PSEN1: variants seen among roughly 807,000 people sequenced by gnomAD.
PSEN1 encodes the protein presenilin 1.
A neutral mutation model predicts 53.5 loss-of-function variants in PSEN1; 15 were observed. That is an observed-to-expected ratio of 0.28 (90% CI 0.19 to 0.43). The LOEUF (loss-of-function observed/expected upper bound fraction) is 0.43. PSEN1 is among the 20% of genes least tolerant of loss of function. The pLI is 1.00. For synonymous variants in PSEN1, 208 were observed against 209.8 expected (o/e 0.99, Z 0.08); for missense variants, 387 against 571.2 (o/e 0.68, Z 3.29).
chr14:73,161,249 G>A (rs1897527235), intron 3 of PSEN1, among the ~76,000 whole-genome samples: 1 of 152,088 alleles, frequency 6.6e-6, no homozygotes, highest in Non-Finnish European at 1.5e-5. Context: ...TGCTGGGGTT[G>A]TAGATGTGAG....
intron 5 of PSEN1, among the ~76,000 whole-genome samples, chr14:73,184,364 G>A (rs1340963596): frequency 1.1e-3 from 71 of 63,148 alleles, no homozygotes; most frequent in African/African-American, 2.6e-3. Flanking sequence ...CTCACCTCCC[G>A]GACGGGGCGG....
chr14:73,186,783 GA>G (rs575947856), intron 5 of PSEN1, 69 bp from the exon 6 acceptor site: 1,283 of 1,299,500 alleles, frequency 9.9e-4, no homozygotes, highest in Non-Finnish European at 1.2e-3. Flanking sequence ...TCTCAAAAAA[GA>G]AAAAAAAAAT....
intron 8 of PSEN1, among the ~76,000 whole-genome samples, chr14:73,203,481 T>C (rs1899316644): frequency 1.3e-5 from 2 of 152,210 alleles, no homozygotes; most frequent in Admixed American, 6.5e-5. Context: ...GCAATGCCGA[T>C]GAGTACTTTT....
In PSEN1 at chr14:73,173,170, A is replaced by G. The variant is rs3025781; in HGVS notation, c.339-396A>G. ...TCTGCAGATGAGAGGCACTAATTAT[A>G]AGCCATATTACCTTTCTTCTGACAA... On this transcript the variant is annotated intron_variant, in intron 4 of 11. Coordinates refer to ENST00000324501, the MANE Select transcript of PSEN1 (RefSeq NM_000021.4). 1.1e-3 allele frequency among the ~76,000 whole-genome samples: 168 copies of G among 152,322 alleles called. 1 individual carries two copies. The highest frequency in any genetic ancestry group is 3.3e-3 in the African/African-American group (139 of 41,588).
intron 3 of PSEN1, among the ~76,000 whole-genome samples, chr14:73,159,487 C>A (rs935379776): frequency 5.9e-5 from 9 of 152,096 alleles, no homozygotes; most frequent in African/African-American, 1.4e-4. Flanking sequence ...GTCTGTGATC[C>A]TTTTGAAGTT....
intron 10 of PSEN1, among the ~76,000 whole-genome samples, chr14:73,215,990 A>G (rs1359121630): frequency 6.6e-6 from 1 of 152,244 alleles, no homozygotes; most frequent in Admixed American, 6.5e-5. Flanking sequence ...CCACAGAGAC[A>G]TGGACATAAA....
At position 73,193,536 on chromosome 14, in the gene PSEN1, C is replaced by T. The variant is rs560208504; in HGVS notation, c.769+672C>T. ...CTGCACTCTAGCCTGGGTGACAGAG[C>T]GAGACTCTGTCTCAAAAAAAAAAAA... is the stretch of plus-strand genomic sequence containing the variant. On this transcript the variant is annotated intron_variant, in intron 7 of 11. Transcript: ENST00000324501. Among the ~76,000 whole-genome samples the T allele has an allele frequency of 1.2e-4, 14 of 113,394 alleles. No homozygotes were observed. The East Asian group carries it at 2.5e-3, about 20-fold the overall frequency. 74.4% of individuals were successfully genotyped at this position (113,394 alleles called of 152,430 possible). A position where few individuals can be genotyped will look rare whatever the true frequency, so the allele number is the denominator to read the frequency against.
At chr14:73,201,013 T>G (rs1226260593) in intron 8 of PSEN1, among the ~76,000 whole-genome samples, 3 of 152,168 alleles carry the variant, frequency 2.0e-5, no homozygotes, top group African/African-American at 4.8e-5. Context: ...ATCGTGCCAC[T>G]GCACTCCAGC....
chr14:73,188,640 A>C lies in PSEN1; in HGVS notation c.548+1720A>C, dbSNP rs548544310. 2.0e-5 allele frequency among the ~76,000 whole-genome samples: 3 copies of C among 152,296 alleles called. No homozygotes were observed. The South Asian group carries it at 6.2e-4, about 32-fold the overall frequency. On this transcript the variant is annotated intron_variant, in intron 6 of 11. Coordinates refer to ENST00000324501, the MANE Select transcript of PSEN1 (RefSeq NM_000021.4). ...CCAGGCTGGGTGACTCAGTCTCTAA[A>C]AATAAATAAATAACTAAATCTCTAA...
Position 73,163,850 on chromosome 14 carries a change from G to C in PSEN1, c.88-6947G>C, listed in dbSNP as rs214272. Among the ~76,000 whole-genome samples the C allele has an allele frequency of 8.3e-3, 1,260 of 152,144 alleles. 21 individuals carry two copies. The highest frequency in any genetic ancestry group is 0.029 in the African/African-American group (1,210 of 41,482). ...ATTTTAGACTTCATGAGCCTAAGAA[G>C]TTTTGATTTTGTTATGAGCATGACA... On this transcript the variant is annotated intron_variant, in intron 3 of 11. Coordinates refer to ENST00000324501, the MANE Select transcript of PSEN1 (RefSeq NM_000021.4).
At chr14:73,200,123 G>A (rs1402532999) in intron 8 of PSEN1, among the ~76,000 whole-genome samples, 1 of 151,876 alleles carries the variant, frequency 6.6e-6, no homozygotes, top group Non-Finnish European at 1.5e-5. Flanking sequence ...GATCTAATAG[G>A]CAAAAAAATA....
At chr14:73,187,131 GAACTT>G (rs1302068553) in intron 6 of PSEN1, among the ~76,000 whole-genome samples, 6 of 152,320 alleles carry the variant, frequency 3.9e-5, no homozygotes, top group African/African-American at 1.2e-4. Context: ...AGAACTGAAA[GAACTT>G]AAGACTACAG....
Position 73,185,072 on chromosome 14 carries a change from A to G in PSEN1, c.481-1781A>G, listed in dbSNP as rs1270446431. ...TGGCAGCCGGGCAGAGGTGCTCCTCACTTCCTAGGTGGGATGGCGGCCGGG... is the reference window on the plus strand; with the variant it reads ...TGGCAGCCGGGCAGAGGTGCTCCTCGCTTCCTAGGTGGGATGGCGGCCGGG... On this transcript the variant is annotated intron_variant, in intron 5 of 11. Coordinates refer to ENST00000324501, the MANE Select transcript of PSEN1 (RefSeq NM_000021.4). 5.8e-3 allele frequency among the ~76,000 whole-genome samples: 847 copies of G among 147,092 alleles called. 3 individuals carry two copies. Among genetic ancestry groups the G allele is most frequent in the African/African-American group, 0.021 (812 of 38,938 alleles).
At chr14:73,214,347 A>C (rs998274853) in intron 10 of PSEN1, among the ~76,000 whole-genome samples, 2 of 152,144 alleles carry the variant, frequency 1.3e-5, no homozygotes, top group Admixed American at 1.3e-4. Context: ...CCCAACCAAC[A>C]TGGAGAAACC....
chr14:73,150,892 C>A (rs747160889), intron 3 of PSEN1, among the ~76,000 whole-genome samples: 4 of 151,776 alleles, frequency 2.6e-5, no homozygotes, highest in Non-Finnish European at 5.9e-5. Context: ...ATGGTGAAAC[C>A]CCGTCTCTAC....
intron 6 of PSEN1, among the ~76,000 whole-genome samples, chr14:73,188,892 G>A (rs902437643): frequency 2.0e-5 from 3 of 152,006 alleles, no homozygotes; most frequent in Non-Finnish European, 4.4e-5. Flanking sequence ...GGGTTCAAGC[G>A]ATTCTCCTGC....
chr14:73,207,701 T>G (rs1484019821), intron 9 of PSEN1, among the ~76,000 whole-genome samples: 1 of 152,208 alleles, frequency 6.6e-6, no homozygotes, highest in African/African-American at 2.4e-5. Context: ...TTTCCTGAGA[T>G]TTGCTCAGGC....
intron 11 of PSEN1, among the ~76,000 whole-genome samples, chr14:73,217,989 T>C (rs1899987167): frequency 6.6e-6 from 1 of 151,516 alleles, no homozygotes; most frequent in African/African-American, 2.4e-5. Context: ...GGTTTCACCA[T>C]GTTGGCCAGG....
chr14:73,216,602 TA>T (rs1441115238), intron 10 of PSEN1, among the ~76,000 whole-genome samples: 2 of 151,774 alleles, frequency 1.3e-5, no homozygotes, highest in East Asian at 3.9e-4. Context: ...CCATCAAAAA[TA>T]AAAAAATTAG....
Sources: allele counts gnomAD v4.1 joint callset (sites outside exome capture counted in the v4.1 genomes callset), GRCh38; gene constraint gnomAD v4.1.1; transcripts MANE v1.5; gene names NCBI Gene and HGNC (gene_info 2026-07-23, HGNC 2026-07-21).